The following RANBP2 variants were observed in gnomAD, a reference collection of about 807,000 sequenced individuals.
RANBP2 encodes the protein RAN binding protein 2, also known as E3 SUMO-protein ligase RanBP2.
Under a neutral mutation model 303.6 loss-of-function variants are expected in RANBP2, and 57 were observed. That is an observed-to-expected ratio of 0.19 (90% CI 0.15 to 0.23). RANBP2 has a LOEUF of 0.23. Ranked by LOEUF, RANBP2 falls within the 10% of genes least tolerant of loss-of-function variation. RANBP2 has a pLI of 1.00. For synonymous variants in RANBP2, 1,167 were observed against 1,301.5 expected (o/e 0.90, Z 2.23); for missense variants, 3,138 against 3,780.8 (o/e 0.83, Z 4.46).
the RANBP2 span, among the ~76,000 whole-genome samples, chr2:109,632,500 A>G: frequency 6.6e-6 from 1 of 152,190 alleles, no homozygotes; most frequent in Non-Finnish European, 1.5e-5. Context: ...TGGAAAGAGA[A>G]TGTCATATTA....
chr2:109,429,129 G>T, the RANBP2 span, among the ~76,000 whole-genome samples: 1 of 152,112 alleles, frequency 6.6e-6, no homozygotes, highest in South Asian at 2.1e-4. Flanking sequence ...GGTTGGGAAG[G>T]GCCGGTCTCG....
At chr2:108,812,723 C>G in the RANBP2 span, 1 of 1,602,124 alleles carries the variant, frequency 6.2e-7, no homozygotes, top group East Asian at 2.2e-5. Flanking sequence ...GTTGCCTGTT[C>G]TTCTCTACAG....
chr2:109,158,655 C>T, the RANBP2 span, among the ~76,000 whole-genome samples: 1 of 152,208 alleles, frequency 6.6e-6, no homozygotes, highest in South Asian at 2.1e-4. Flanking sequence ...GTGAGAGCAT[C>T]CCTATTTCTT....
chr2:108,819,872 T>A, the RANBP2 span, among the ~76,000 whole-genome samples: 3 of 151,970 alleles, frequency 2.0e-5, no homozygotes, highest in African/African-American at 7.2e-5. Flanking sequence ...ATCTCTGAAC[T>A]TTGTGATATA....
At chr2:109,548,829 C>G in the RANBP2 span, among the ~76,000 whole-genome samples, 1 of 139,190 alleles carries the variant, frequency 7.2e-6, no homozygotes, top group Non-Finnish European at 1.6e-5. Flanking sequence ...AAATATTTCA[C>G]TGAAAATCAG....
chr2:108,820,677 G>A, the RANBP2 span, among the ~76,000 whole-genome samples: 2 of 147,820 alleles, frequency 1.4e-5, no homozygotes, highest in African/African-American at 5.0e-5. Flanking sequence ...CCAACAGGCA[G>A]TGGGATGATA....
the RANBP2 span, among the ~76,000 whole-genome samples, chr2:109,155,460 G>C: frequency 6.6e-6 from 1 of 152,026 alleles, no homozygotes; most frequent in Non-Finnish European, 1.5e-5. Context: ...CCACCACCAC[G>C]CCTGGCTAAT....
Position 108,751,987 on chromosome 2 carries a change from A to C in RANBP2, c.1748A>C (p.Gln583Pro), listed in dbSNP as rs752522848. The C allele has an allele frequency of 6.2e-7, 1 of 1,612,022 alleles. No individual in the cohort carries two copies. The highest frequency in any genetic ancestry group is 8.5e-7 in the Non-Finnish European group (1 of 1,179,862). The change falls in exon 12 of 29, where the codon CAG becomes CCG. Residue 583 changes from glutamine (Q) to proline (P), a missense_variant. Physicochemically the swap from Gln to Pro is moderately conservative, Grantham distance 76. This residue lies in a region of RANBP2 where 162 missense variants were observed against 286.9 expected (regional missense o/e 0.56). Coordinates refer to ENST00000283195, the MANE Select transcript of RANBP2 (RefSeq NM_006267.5). The part of the protein sequence containing the change: ...ALLVHWAECL[Q>P]KTGSGLNSFY... ...CTTGTACATTGGGCAGAATGCCTTC[A>C]GAAAACGGTGAGTTTTAAAGTATAA...
At chr2:109,064,479 A>AAAAC in the RANBP2 span, among the ~76,000 whole-genome samples, 82 of 140,994 alleles carry the variant, frequency 5.8e-4, 1 homozygote, top group South Asian at 2.4e-3. Context: ...AAACAAAAAC[A>AAAAC]AACTGGTAAA....
the RANBP2 span, among the ~76,000 whole-genome samples, chr2:109,106,761 C>T: frequency 9.9e-5 from 15 of 151,750 alleles, no homozygotes; most frequent in Non-Finnish European, 1.5e-4. Context: ...GGTGTGAATC[C>T]GGGAGGCAGA....
the RANBP2 span, among the ~76,000 whole-genome samples, chr2:109,630,790 G>A: frequency 6.6e-6 from 1 of 152,204 alleles, no homozygotes; most frequent in East Asian, 1.9e-4. Context: ...TTGAGGCTGG[G>A]CGCGGTGGCT....
chr2:109,138,412 G>A, the RANBP2 span, among the ~76,000 whole-genome samples: 1 of 152,364 alleles, frequency 6.6e-6, no homozygotes, highest in Admixed American at 6.5e-5. Context: ...AGGCTTGGGA[G>A]TTTAGCTGTA....
intron 1 of RANBP2, among the ~76,000 whole-genome samples, chr2:108,722,663 T>C (rs1694362939): frequency 1.4e-5 from 2 of 147,854 alleles, no homozygotes; most frequent in South Asian, 4.3e-4. Context: ...ATTCTTCGTC[T>C]GTAATCTGAG....
the RANBP2 span, among the ~76,000 whole-genome samples, chr2:109,391,743 G>A: frequency 6.6e-6 from 1 of 152,182 alleles, no homozygotes; most frequent in South Asian, 2.1e-4. Context: ...GGAACAGAAC[G>A]GCCACCAACC....
chr2:109,219,320 C>T, the RANBP2 span, among the ~76,000 whole-genome samples: 1 of 152,162 alleles, frequency 6.6e-6, no homozygotes, highest in Non-Finnish European at 1.5e-5. Flanking sequence ...CATAAGGTTT[C>T]TACTTCTTTA....
the RANBP2 span, chr2:108,846,576 C>G: frequency 6.1e-6 from 1 of 164,808 alleles, no homozygotes; most frequent in Non-Finnish European, 1.2e-5. Flanking sequence ...TCTTGGGAGG[C>G]TGAGGTAGGA....
chr2:109,437,576 G>A, the RANBP2 span, among the ~76,000 whole-genome samples: 4 of 152,064 alleles, frequency 2.6e-5, no homozygotes, highest in African/African-American at 9.7e-5. Context: ...CCATCTGCCG[G>A]GCCCTGCAGG....
chr2:109,629,706 G>A, the RANBP2 span, among the ~76,000 whole-genome samples: 11 of 151,836 alleles, frequency 7.2e-5, no homozygotes, highest in Non-Finnish European at 1.5e-4. Context: ...AGCTACTCGG[G>A]AGGCTGAGGC....
chr2:108,986,335 T>C, the RANBP2 span, among the ~76,000 whole-genome samples: 2 of 152,262 alleles, frequency 1.3e-5, no homozygotes, highest in Admixed American at 1.3e-4. Flanking sequence ...GGACAGGAGA[T>C]GAGTGTGTCT....
Sources: gnomAD v4.1 joint callset for allele counts (sites outside exome capture counted in the v4.1 genomes callset) on GRCh38, gnomAD v4.1.1 for gene constraint, gnomAD v4.1.1 regional missense constraint, MANE v1.5 for transcripts, NCBI Gene and HGNC (gene_info 2026-07-23, HGNC 2026-07-21) for gene names.